Variants in DIAPH1 observed in about 807,000 individuals in gnomAD.
DIAPH1 encodes the protein protein diaphanous homolog 1.
Under a neutral mutation model 140.7 loss-of-function variants are expected in DIAPH1, and 46 were observed. The observed-to-expected ratio is 0.33, with a 90% CI of 0.26 to 0.42. The LOEUF (loss-of-function observed/expected upper bound fraction) is 0.42, where lower values mean the gene tolerates loss of function less well. Among genes scored for constraint, DIAPH1 ranks in the 10% least tolerant of loss-of-function variants. The pLI is 1.00. For missense variants in DIAPH1, 1,310 were observed against 1,558.7 expected (o/e 0.84, Z 2.69); for synonymous variants, 565 against 551.6 (o/e 1.02, Z -0.34).
intron 1 of DIAPH1, among the ~76,000 whole-genome samples, chr5:141,598,185 C>T (rs891455604): frequency 5.9e-5 from 9 of 152,152 alleles, no homozygotes; most frequent in African/African-American, 2.2e-4. Context: ...AACTTTTATA[C>T]ACATGTTAGA....
intron 18 of DIAPH1, among the ~76,000 whole-genome samples, chr5:141,556,021 G>C (rs1423280027): frequency 6.6e-6 from 1 of 152,152 alleles, no homozygotes; most frequent in Non-Finnish European, 1.5e-5. Flanking sequence ...GGAATAGACT[G>C]CTTGCTGTGG....
At chr5:141,613,528 T>C (rs1276449331) in intron 1 of DIAPH1, among the ~76,000 whole-genome samples, 1 of 152,194 alleles carries the variant, frequency 6.6e-6, no homozygotes, top group African/African-American at 2.4e-5. Context: ...ACTGCAGAAG[T>C]GACTGTTGCA....
chr5:141,611,490 A>T (rs1421050223), intron 1 of DIAPH1, among the ~76,000 whole-genome samples: 1 of 152,144 alleles, frequency 6.6e-6, no homozygotes, highest in African/African-American at 2.4e-5. Flanking sequence ...CAGGAGATTA[A>T]GGCTGCAGTG....
At chr5:141,561,504 A>G (rs369478456) in intron 18 of DIAPH1, among the ~76,000 whole-genome samples, 4 of 149,718 alleles carry the variant, frequency 2.7e-5, no homozygotes, top group African/African-American at 9.7e-5. Context: ...AAGTACTTCT[A>G]GAAATCTAGA....
chr5:141,589,334 G>A (rs1327338241), intron 1 of DIAPH1, among the ~76,000 whole-genome samples: 1 of 152,202 alleles, frequency 6.6e-6, no homozygotes, highest in Non-Finnish European at 1.5e-5. Context: ...TGGCCACTCT[G>A]ACAGATATTA....
intron 14 of DIAPH1, among the ~76,000 whole-genome samples, chr5:141,575,628 GAC>G (rs1017267943): frequency 1.3e-4 from 19 of 151,434 alleles, no homozygotes; most frequent in African/African-American, 4.6e-4. Flanking sequence ...CAGCCTGGAT[GAC>G]AGAGTGAGAC....
Position 141,529,199 on chromosome 5 carries a change from C to A in DIAPH1, c.2751G>T (p.Leu917=). The A allele has an allele frequency of 1.2e-6, 2 of 1,614,156 alleles. No homozygotes were observed. Among genetic ancestry groups the A allele is most frequent in the Non-Finnish European group, 1.7e-6 (2 of 1,180,030 alleles). ...CCACGCCAAACTGCTCTGACTCAGC[C>A]AGGTCATCATATTCATCCTTCAGTT... ...LSELKDEYDD[L]AESEQFGVVM... The change falls in exon 21 of 28, where the codon CTG becomes CTT. Residue 917 remains leucine, a synonymous_variant. Transcript: ENST00000389054.
intron 18 of DIAPH1, among the ~76,000 whole-genome samples, chr5:141,553,227 G>A (rs1487390380): frequency 6.6e-6 from 1 of 152,186 alleles, no homozygotes; most frequent in African/African-American, 2.4e-5. Flanking sequence ...AGGAGGTGGA[G>A]GTTGCAGTGA....
At position 141,576,874 on chromosome 5, in the gene DIAPH1, A is replaced by G. The variant is rs1297397602; in HGVS notation, c.1281-3T>C. ...CAATCAACTTATAGTACTGAGGTCT[A>G]CAAGAGAATAAAAACAGGGTCATCA... On this transcript the variant is annotated splice_polypyrimidine_tract_variant and splice_region_variant and intron_variant, in intron 12 of 27. Coordinates refer to ENST00000389054, the MANE Select transcript of DIAPH1 (RefSeq NM_005219.5). 4 of 1,539,164 alleles carry G rather than the reference A, an allele frequency of 2.6e-6. No individual in the cohort carries two copies. Among genetic ancestry groups the G allele is most frequent in the Non-Finnish European group, 3.6e-6 (4 of 1,111,872 alleles).
chr5:141,524,492 C>A (rs1470804203), intron 26 of DIAPH1: 2 of 514,690 alleles, frequency 3.9e-6, no homozygotes, highest in Non-Finnish European at 7.1e-6. Flanking sequence ...TGCCATCCTC[C>A]CCACCCCAAT....
At position 141,618,963 on chromosome 5, in the gene DIAPH1, T is replaced by G. The variant is rs570498572; in HGVS notation, c.-49A>C. 328 of 1,125,104 alleles carry G rather than the reference T, an allele frequency of 2.9e-4. 2 individuals carry two copies. In the South Asian group the frequency reaches 5.1e-3, roughly 18 times the overall value. 69.7% of individuals were successfully genotyped at this position (1,125,104 alleles called of 1,614,324 possible). A position where few individuals can be genotyped will look rare whatever the true frequency, so the allele number is the denominator to read the frequency against. Reference sequence around the variant, plus strand: ...ACCCCGCGCCTACGCCGCTCCCGCCTGGCAGCTCCGCGCCCGCCGCCGCCC... The same window carrying G: ...ACCCCGCGCCTACGCCGCTCCCGCCGGGCAGCTCCGCGCCCGCCGCCGCCC... On this transcript the variant is annotated 5_prime_UTR_variant, in exon 1 of 28. Transcript: ENST00000389054.
chr5:141,551,358 A>T (rs1251685976), intron 18 of DIAPH1, among the ~76,000 whole-genome samples: 1 of 152,184 alleles, frequency 6.6e-6, no homozygotes, highest in Non-Finnish European at 1.5e-5. Context: ...CAGAAGGCTG[A>T]GGTGAAAGGA....
intron 18 of DIAPH1, among the ~76,000 whole-genome samples, chr5:141,559,024 CT>C (rs1347474041): frequency 2.6e-5 from 4 of 151,942 alleles, no homozygotes; most frequent in African/African-American, 9.7e-5. Context: ...GATCAGAACA[CT>C]TAATAATCTC....
intron 1 of DIAPH1, among the ~76,000 whole-genome samples, chr5:141,603,628 T>C (rs1242494543): frequency 6.6e-6 from 1 of 152,222 alleles, no homozygotes; most frequent in African/African-American, 2.4e-5. Context: ...AATAATTTGC[T>C]TATAAATTTG....
At chr5:141,564,940 T>C (rs1473066278) in intron 18 of DIAPH1, 1 of 152,178 alleles carries the variant, frequency 6.6e-6, no homozygotes, top group African/African-American at 2.4e-5. Flanking sequence ...ACCATAAATA[T>C]TTTTTTATTT....
intron 18 of DIAPH1, among the ~76,000 whole-genome samples, chr5:141,538,441 C>T (rs1257267403): frequency 6.6e-6 from 1 of 152,108 alleles, no homozygotes; most frequent in Non-Finnish European, 1.5e-5. Flanking sequence ...CAAACTCCGC[C>T]TCCCAGGTTC....
intron 18 of DIAPH1, among the ~76,000 whole-genome samples, chr5:141,568,604 C>T (rs2099894709): frequency 6.6e-6 from 1 of 152,162 alleles, no homozygotes; most frequent in South Asian, 2.1e-4. Context: ...CAGCTCTTCT[C>T]TTGTAAAAAG....
chr5:141,529,512 TGGA>T, intron 20 of DIAPH1, 88 bp downstream of exon 20: 1 of 1,118,836 alleles, frequency 8.9e-7, no homozygotes. Flanking sequence ...TCAGCAATGC[TGGA>T]GGAGGATCCT....
intron 1 of DIAPH1, among the ~76,000 whole-genome samples, chr5:141,613,394 C>T (rs1276516530): frequency 6.6e-6 from 1 of 152,202 alleles, no homozygotes; most frequent in Admixed American, 6.5e-5. Flanking sequence ...CTTTCTACTA[C>T]TCCAGCCATT....
Sources: allele counts gnomAD v4.1 joint callset (sites outside exome capture counted in the v4.1 genomes callset), GRCh38; gene constraint gnomAD v4.1.1; transcripts MANE v1.5; gene names NCBI Gene and HGNC (gene_info 2026-07-23, HGNC 2026-07-21).